Variants in SORCS2 observed in about 807,000 individuals in gnomAD.
The protein encoded by SORCS2 is VPS10 domain-containing receptor SorCS2.
A neutral mutation model predicts 141.6 loss-of-function variants in SORCS2; 100 were observed. The ratio of observed to expected loss-of-function variants is 0.71; its 90% CI spans 0.60 to 0.83. The LOEUF (loss-of-function observed/expected upper bound fraction) is 0.83. Among genes scored for constraint, SORCS2 ranks in the 40% least tolerant of loss-of-function variants. The pLI is 0.00. For synonymous variants in SORCS2, 789 were observed against 676.9 expected (o/e 1.17, Z -2.57); for missense variants, 1,646 against 1,560.2 (o/e 1.05, Z -0.93).
chr4:7,544,118 A>G (rs1311239879), intron 3 of SORCS2, among the ~76,000 whole-genome samples: 1 of 150,122 alleles, frequency 6.7e-6, no homozygotes, highest in Non-Finnish European at 1.5e-5. Context: ...CCATCCATCC[A>G]CCCATCCACT....
intron 3 of SORCS2, among the ~76,000 whole-genome samples, chr4:7,554,886 GA>G (rs1353570567): frequency 6.6e-6 from 1 of 152,194 alleles, no homozygotes; most frequent in Non-Finnish European, 1.5e-5. Context: ...CCTGCCTCCA[GA>G]ACACTAGGGC....
chr4:7,497,472 C>A (rs1442170205), intron 2 of SORCS2, among the ~76,000 whole-genome samples: 2 of 152,230 alleles, frequency 1.3e-5, no homozygotes, highest in East Asian at 3.8e-4. Context: ...CTAGGAGCAG[C>A]CCAGCTCCTT....
chr4:7,711,705 G>A (rs1725834785), intron 14 of SORCS2, among the ~76,000 whole-genome samples: 1 of 152,240 alleles, frequency 6.6e-6, no homozygotes, highest in African/African-American at 2.4e-5. Context: ...CAAGGAGGGA[G>A]AAGGAACAGC....
intron 1 of SORCS2, among the ~76,000 whole-genome samples, chr4:7,377,766 T>G (rs1461239740): frequency 6.6e-6 from 1 of 152,182 alleles, no homozygotes; most frequent in Non-Finnish European, 1.5e-5. Flanking sequence ...ATTTGACAGG[T>G]CTGTTTTATA....
At chr4:7,238,900 C>T (rs1357437840) in intron 1 of SORCS2, among the ~76,000 whole-genome samples, 1 of 152,196 alleles carries the variant, frequency 6.6e-6, no homozygotes, top group Non-Finnish European at 1.5e-5. Flanking sequence ...CACTGCTGGC[C>T]TGTCACCCCC....
intron 2 of SORCS2, among the ~76,000 whole-genome samples, chr4:7,526,236 G>A (rs1230293963): frequency 2.0e-5 from 3 of 152,264 alleles, no homozygotes; most frequent in Admixed American, 6.5e-5. Flanking sequence ...CACACCTTCA[G>A]AAGACGCCCA....
rs530986431 is a variant in SORCS2 at position 7,419,447 on chromosome 4, C to T, written c.548+23092C>T. ...AACTCAGGTTACAGAGAAAGGGTGG[C>T]CTCTGAGGTTATAGCAATGGGCCTT... On this transcript the variant is annotated intron_variant, in intron 2 of 26. Coordinates refer to ENST00000507866, the MANE Select transcript of SORCS2 (RefSeq NM_020777.3). 6.5e-3 allele frequency among the ~76,000 whole-genome samples: 996 copies of T among 152,284 alleles called. 11 individuals are homozygous for T. The highest frequency in any genetic ancestry group is 0.023 in the African/African-American group (950 of 41,554).
chr4:7,248,145 G>A (rs548519918), intron 1 of SORCS2, among the ~76,000 whole-genome samples: 42 of 152,312 alleles, frequency 2.8e-4, no homozygotes, highest in Admixed American at 1.8e-3. Context: ...ACTGTGTGTG[G>A]CCCCCCTACC....
chr4:7,482,752 C>CT lies in SORCS2; in HGVS notation c.549-48778_549-48777insT, dbSNP rs368806722. Among the ~76,000 whole-genome samples, 126 of 108,874 alleles carry CT rather than the reference C, an allele frequency of 1.2e-3. 3 individuals are homozygous for CT. The highest frequency in any genetic ancestry group is 0.011 in the East Asian group (29 of 2,756). The allele number at this position is 108,874 out of a possible 152,430, so 71.4% of individuals were successfully genotyped here. On this transcript the variant is annotated intron_variant, in intron 2 of 26. Transcript: ENST00000507866. ...GTATCCCCGCTGCGGACACCCCTGA[C>CT]GCTGTTCAGACCTGTATCCCCGCTG... is the stretch of plus-strand genomic sequence containing the variant.
At chr4:7,609,542 A>G (rs1027580003) in intron 3 of SORCS2, among the ~76,000 whole-genome samples, 2 of 152,178 alleles carry the variant, frequency 1.3e-5, no homozygotes, top group African/African-American at 2.4e-5. Flanking sequence ...TCTCTCTGCC[A>G]TGTGAGAAAG....
chr4:7,239,337 C>T (rs912810323), intron 1 of SORCS2, among the ~76,000 whole-genome samples: 12 of 152,250 alleles, frequency 7.9e-5, no homozygotes, highest in African/African-American at 2.9e-4. Flanking sequence ...GGCCCCCGAC[C>T]TCCTTTGGAC....
chr4:7,738,665 G>A (rs563137292), intron 26 of SORCS2, among the ~76,000 whole-genome samples: 34 of 152,282 alleles, frequency 2.2e-4, no homozygotes, highest in Admixed American at 1.2e-3. Context: ...GGCTTCGAGC[G>A]TCACTCACAC....
chr4:7,302,774 TGTGTGTGTGTGTGTGCGCGCGC>T (rs1717519859), intron 1 of SORCS2, among the ~76,000 whole-genome samples: 1 of 150,642 alleles, frequency 6.6e-6, no homozygotes, highest in Non-Finnish European at 1.5e-5. Flanking sequence ...CACATATGTG[TGTGTGTGTGTGTGTGCGCGCGC>T]GTGTGTGTGT....
intron 1 of SORCS2, among the ~76,000 whole-genome samples, chr4:7,208,052 C>A (rs1025364946): frequency 6.6e-6 from 1 of 152,060 alleles, no homozygotes; most frequent in African/African-American, 2.4e-5. Context: ...GTCCCTTGGC[C>A]CTGGGTGGGA....
At chr4:7,195,914 G>A (rs1160515035) in intron 1 of SORCS2, among the ~76,000 whole-genome samples, 5 of 152,186 alleles carry the variant, frequency 3.3e-5, no homozygotes, top group African/African-American at 1.2e-4. Context: ...TGGTCAACAT[G>A]AACAGAGAGC....
At chr4:7,533,771 G>T (rs1711860815) in intron 3 of SORCS2, among the ~76,000 whole-genome samples, 1 of 151,910 alleles carries the variant, frequency 6.6e-6, no homozygotes, top group Admixed American at 6.6e-5. Flanking sequence ...TCTGCATGCA[G>T]CAACCTGGGG....
chr4:7,315,052 C>T (rs1392847288), intron 1 of SORCS2, among the ~76,000 whole-genome samples: 4 of 152,060 alleles, frequency 2.6e-5, no homozygotes, highest in African/African-American at 4.8e-5. Flanking sequence ...AGGCTGGTCT[C>T]GAACTCCTGA....
chr4:7,738,038 T>C (rs759817777), intron 26 of SORCS2, among the ~76,000 whole-genome samples: 7 of 152,246 alleles, frequency 4.6e-5, no homozygotes, highest in Non-Finnish European at 1.0e-4. Flanking sequence ...CACACCCCTT[T>C]CAGGGCCTGG....
intron 8 of SORCS2, among the ~76,000 whole-genome samples, chr4:7,675,060 A>G (rs181815099): frequency 3.9e-5 from 6 of 152,338 alleles, no homozygotes; most frequent in African/African-American, 1.4e-4. Context: ...TAGGGCTTCA[A>G]TATGGGCCTG....
Sources: gnomAD v4.1 joint callset for allele counts (sites outside exome capture counted in the v4.1 genomes callset) on GRCh38, gnomAD v4.1.1 for gene constraint, MANE v1.5 for transcripts, NCBI Gene and HGNC (gene_info 2026-07-23, HGNC 2026-07-21) for gene names.